The following C12orf50 variants were observed in gnomAD, a reference collection of about 807,000 sequenced individuals.
C12orf50 encodes the protein zinc finger CCCH-type containing 11D.
C12orf50 carries 35 observed loss-of-function variants against 61.6 expected under a neutral mutation model. The ratio of observed to expected loss-of-function variants is 0.57; its 90% confidence interval spans 0.43 to 0.75. The LOEUF (loss-of-function observed/expected upper bound fraction) is 0.75, where lower values mean the gene tolerates loss of function less well. C12orf50 is among the 30% of genes least tolerant of loss of function. The pLI is 0.00. For missense variants in C12orf50, 475 were observed against 488.5 expected, an observed-to-expected ratio of 0.97 and a Z score of 0.26; for synonymous variants, 178 against 161.5, an observed-to-expected ratio of 1.10 and a Z score of -0.77.
intron 3 of C12orf50, among the ~76,000 whole-genome samples, chr12:88,011,890 T>G (rs2032123173): frequency 6.6e-6 from 1 of 152,172 alleles, no homozygotes; most frequent in African/African-American, 2.4e-5. Context: ...TGGGTTTCTC[T>G]CCTTAAAACC....
chr12:87,983,035 C>T, intron 12 of C12orf50, 68 bp downstream of exon 12: 4 of 894,990 alleles, frequency 4.5e-6, no homozygotes, highest in Non-Finnish European at 6.9e-6. Context: ...CTAAAACACT[C>T]CTTGCACTTG....
intron 7 of C12orf50, among the ~76,000 whole-genome samples, chr12:87,991,246 C>T (rs1265875929): frequency 2.0e-5 from 3 of 152,122 alleles, no homozygotes; most frequent in African/African-American, 7.2e-5. Context: ...ATCATTCATA[C>T]ACTATGTAAT....
Position 87,987,915 on chromosome 12 carries a change from G to A in C12orf50, c.752C>T (p.Pro251Leu). ...AGTAGCATTTAATACATGCGTTGTA[G>A]GTACTAGTCGGGTAGTTAGGGAATG... ...PKHSLTTRLV[P>L]TTHVLNATEN... Residue 251 changes from proline (P) to leucine (L), a missense_variant, in exon 9 of 13, where the codon CCT becomes CTT. By Grantham distance (98) the Pro-to-Leu change is moderately conservative. Coordinates refer to ENST00000298699, the MANE Select transcript of C12orf50 (RefSeq NM_152589.3). The A allele has an allele frequency of 6.2e-7, 1 of 1,611,848 alleles. No individual in the cohort carries two copies. Among genetic ancestry groups the A allele is most frequent in the Non-Finnish European group, 8.5e-7 (1 of 1,178,660 alleles).
chr12:88,009,964 A>G (rs2032033812), intron 3 of C12orf50, among the ~76,000 whole-genome samples: 1 of 152,082 alleles, frequency 6.6e-6, no homozygotes, highest in Admixed American at 6.5e-5. Context: ...TTGATCAATA[A>G]TTGACTCAAA....
At position 88,009,589 on chromosome 12, in the gene C12orf50, T is replaced by C. The variant is rs192186293; in HGVS notation, c.134-11399A>G. On this transcript the variant is annotated intron_variant, in intron 3 of 12. Coordinates refer to ENST00000298699, the MANE Select transcript of C12orf50 (RefSeq NM_152589.3). ...CGAGGAGATTTCTATTAGAATCTAGTAGGTAGAAGCTAAAGATGCTGCTAA... is the reference window on the plus strand; with the variant it reads ...CGAGGAGATTTCTATTAGAATCTAGCAGGTAGAAGCTAAAGATGCTGCTAA... Among the ~76,000 whole-genome samples the C allele has an allele frequency of 1.1e-3, 166 of 152,224 alleles. 1 individual carries two copies. The highest frequency in any genetic ancestry group is 2.5e-3 in the Admixed American group (39 of 15,298).
Position 87,998,150 on chromosome 12 carries a change from G to T in C12orf50, c.174C>A (p.Leu58=). 6.2e-7 allele frequency: 1 copy of T among 1,612,558 alleles called. No individual in the cohort carries two copies. Among genetic ancestry groups the T allele is most frequent in the Admixed American group, 1.7e-5 (1 of 59,924 alleles). ...LQKEIQEGIP[L]QSQSQEPLKP... is the part of the protein sequence containing the mutation. ...TCAGAGGTTCTTGACTCTGGGACTG[G>T]AGTGGAATTCCTTCCTGAATTTCTT... The change falls in exon 4 of 13, where the codon CTC becomes CTA. Residue 58 remains leucine, a synonymous_variant. Coordinates refer to ENST00000298699, the MANE Select transcript of C12orf50 (RefSeq NM_152589.3).
intron 1 of C12orf50, among the ~76,000 whole-genome samples, chr12:88,027,486 A>G: frequency 6.6e-6 from 1 of 152,198 alleles, no homozygotes; most frequent in East Asian, 1.9e-4. Flanking sequence ...ATTTCTATTA[A>G]TCAATCCTTT....
chr12:87,991,875 C>T (rs970478056), intron 7 of C12orf50, among the ~76,000 whole-genome samples: 8 of 152,178 alleles, frequency 5.3e-5, no homozygotes, highest in African/African-American at 1.7e-4. Flanking sequence ...AATATCAATA[C>T]TCATGGTGCT....
At chr12:88,021,391 C>T (rs1032201936) in intron 3 of C12orf50, among the ~76,000 whole-genome samples, 1 of 151,958 alleles carries the variant, frequency 6.6e-6, no homozygotes, top group Non-Finnish European at 1.5e-5. Flanking sequence ...AATCCCAGCA[C>T]TTTGGGAGGG....
chr12:87,980,071 T>A lies in C12orf50; in HGVS notation c.*260A>T. On this transcript the variant is annotated 3_prime_UTR_variant, in exon 13 of 13. Transcript: ENST00000298699. Reference sequence around the variant, plus strand: ...AAACTTTTAAATTTTATTAAAATGTTTGGAGTAATGCACGGAATGAATTCC... The same window carrying A: ...AAACTTTTAAATTTTATTAAAATGTATGGAGTAATGCACGGAATGAATTCC... 1 of 437,092 alleles carries A rather than the reference T, an allele frequency of 2.3e-6. No individual in the cohort carries two copies. 27.1% of individuals were successfully genotyped at this position (437,092 alleles called of 1,614,324 possible).
chr12:87,990,104 C>T (rs1375520776), intron 7 of C12orf50, among the ~76,000 whole-genome samples: 1 of 152,154 alleles, frequency 6.6e-6, no homozygotes, highest in Non-Finnish European at 1.5e-5. Flanking sequence ...ATTTTCCCCT[C>T]AAAAACGCCA....
At position 87,996,378 on chromosome 12, in the gene C12orf50, T is replaced by C. The variant is rs561438437; in HGVS notation, c.477A>G (p.Gln159=). 5.0e-6 allele frequency: 8 copies of C among 1,601,148 alleles called. No homozygotes were observed. The East Asian group carries it at 9.0e-5, about 18-fold the overall frequency. The part of the protein sequence containing the change: ...EKPLENGSEL[Q]EGDSLTVPTK... The stretch of plus-strand genomic sequence containing the variant: ...TGCTGCCTTTTCATTTCTTACCTTC[T>C]TGCAATTCACTGCCATTTTCCAAAG... Residue 159 remains glutamine, a synonymous_variant, in exon 6 of 13, where the codon CAA becomes CAG. Transcript: ENST00000298699.
intron 4 of C12orf50, among the ~76,000 whole-genome samples, 174 bp downstream of exon 4, chr12:87,997,861 A>G (rs7956865): frequency 0.087 from 13,223 of 152,262 alleles, 646 homozygotes; most frequent in African/African-American, 0.11. Flanking sequence ...AAAAGATCAT[A>G]AATATGTAGC....
rs144343828 is a variant in C12orf50 at position 87,992,526 on chromosome 12, A to G, written c.592+2107T>C. 2.4e-3 allele frequency among the ~76,000 whole-genome samples: 373 copies of G among 152,292 alleles called. 1 individual carries two copies. The highest frequency in any genetic ancestry group is 8.6e-3 in the African/African-American group (359 of 41,576). On this transcript the variant is annotated intron_variant, in intron 7 of 12. Transcript: ENST00000298699. ...GTATATATGTGGTATATATCTATCTATCTATAGAGATTTACTGCTACAATC... is the reference window on the plus strand; with the variant it reads ...GTATATATGTGGTATATATCTATCTGTCTATAGAGATTTACTGCTACAATC...
intron 3 of C12orf50, among the ~76,000 whole-genome samples, chr12:88,021,106 C>T (rs964871332): frequency 6.6e-6 from 1 of 152,048 alleles, no homozygotes; most frequent in African/African-American, 2.4e-5. Flanking sequence ...AACAACTTAA[C>T]ATCACAACTA....
At chr12:88,021,738 T>C (rs1382542606) in intron 3 of C12orf50, among the ~76,000 whole-genome samples, 1 of 151,622 alleles carries the variant, frequency 6.6e-6, no homozygotes, top group Non-Finnish European at 1.5e-5. Flanking sequence ...ACTAGAAAAT[T>C]TAGAAGAAAT....
chr12:88,027,362 GA>G (rs1257799212), intron 1 of C12orf50, among the ~76,000 whole-genome samples: 1 of 152,112 alleles, frequency 6.6e-6, no homozygotes, highest in Non-Finnish European at 1.5e-5. Flanking sequence ...AGAGATATAA[GA>G]ATCCAGTGAC....
chr12:87,986,144 A>C, intron 10 of C12orf50, 91 bp from the exon 11 acceptor site: 2 of 1,417,530 alleles, frequency 1.4e-6, no homozygotes, highest in Non-Finnish European at 2.0e-6. Context: ...TTCATAGCAT[A>C]ATGGAAGCCA....
chr12:87,997,059 G>A (rs1398795504), intron 4 of C12orf50, among the ~76,000 whole-genome samples: 1 of 152,114 alleles, frequency 6.6e-6, no homozygotes, highest in African/African-American at 2.4e-5. Context: ...AAGACAGATC[G>A]AGAGTTTTTC....
Sources: gnomAD v4.1 joint callset for allele counts (sites outside exome capture counted in the v4.1 genomes callset) on GRCh38, gnomAD v4.1.1 for gene constraint, MANE v1.5 for transcripts, NCBI Gene and HGNC (gene_info 2026-07-23, HGNC 2026-07-21) for gene names.